The following LUZP2 variants were observed in gnomAD, a reference collection of about 807,000 sequenced individuals.
LUZP2 encodes leucine zipper protein 2.
In LUZP2, 52 loss-of-function variants were observed where a neutral mutation model predicts 51.6. That is an observed-to-expected ratio of 1.01 (90% CI 0.81 to 1.27). LUZP2 has a LOEUF of 1.27. Ranked by LOEUF, LUZP2 falls within the 50% of genes most tolerant of loss-of-function variation. The probability of loss-of-function intolerance (pLI) is 0.00; values close to 1 mark genes in which losing one functional copy is unlikely to be tolerated. For synonymous variants in LUZP2, 154 were observed against 137.3 expected (o/e 1.12, Z -0.85); for missense variants, 436 against 395.4 (o/e 1.10, Z -0.87).
chr11:25,030,941 TA>T (rs1248089822), intron 9 of LUZP2, among the ~76,000 whole-genome samples: 6 of 1,520 alleles, frequency 3.9e-3, no homozygotes, highest in African/African-American at 6.2e-3. Flanking sequence ...ATATATATTA[TA>T]TATATTATAT....
At chr11:24,991,368 GTATATATA>G (rs1170222494) in intron 9 of LUZP2, among the ~76,000 whole-genome samples, 1 of 124,450 alleles carries the variant, frequency 8.0e-6, no homozygotes, top group African/African-American at 2.9e-5. Flanking sequence ...ATATGTGTGT[GTATATATA>G]TGTGTGTGTG....
intron 5 of LUZP2, among the ~76,000 whole-genome samples, chr11:24,809,589 A>G (rs1849956851): frequency 6.6e-6 from 1 of 152,304 alleles, no homozygotes; most frequent in Non-Finnish European, 1.5e-5. Flanking sequence ...TAAGGTATTT[A>G]GGGAAGGAGT....
chr11:24,816,005 TTAAAA>T (rs761334739), intron 5 of LUZP2, among the ~76,000 whole-genome samples: 53 of 78,908 alleles, frequency 6.7e-4, no homozygotes, highest in Admixed American at 1.3e-3. Context: ...TCTTTTTTTT[TTAAAA>T]AAAAAAAAAA....
At chr11:24,647,343 A>C (rs1490483202) in intron 1 of LUZP2, among the ~76,000 whole-genome samples, 1 of 151,988 alleles carries the variant, frequency 6.6e-6, no homozygotes, top group Non-Finnish European at 1.5e-5. Flanking sequence ...AAAATTATCA[A>C]GACTGTGAAT....
At chr11:24,747,114 A>G (rs1308630724) in intron 4 of LUZP2, among the ~76,000 whole-genome samples, 1 of 152,098 alleles carries the variant, frequency 6.6e-6, no homozygotes, top group Admixed American at 6.6e-5. Context: ...TGGGGGTGTT[A>G]AAGAGCCTTG....
intron 10 of LUZP2, among the ~76,000 whole-genome samples, chr11:25,056,874 G>A (rs1858699789): frequency 6.6e-6 from 1 of 152,280 alleles, no homozygotes; most frequent in African/African-American, 2.4e-5. Context: ...CCCAAGGTGG[G>A]CAGATCACGA....
At chr11:24,839,023 T>TAACA (rs1192446605) in intron 5 of LUZP2, among the ~76,000 whole-genome samples, 1 of 151,628 alleles carries the variant, frequency 6.6e-6, no homozygotes, top group African/African-American at 2.4e-5. Flanking sequence ...TTTATTCTAA[T>TAACA]AACAGCCATA....
At chr11:25,006,524 G>C (rs186737106) in intron 9 of LUZP2, among the ~76,000 whole-genome samples, 2 of 152,150 alleles carry the variant, frequency 1.3e-5, no homozygotes, top group South Asian at 2.1e-4. Flanking sequence ...TTTGGGGGTT[G>C]TTAGCCCTTT....
intron 5 of LUZP2, chr11:24,892,333 A>G (rs554891595): frequency 1.1e-4 from 109 of 985,310 alleles, no homozygotes; most frequent in Non-Finnish European, 1.3e-4. Flanking sequence ...GCCTCGAAAG[A>G]CATTCAAATT....
intron 5 of LUZP2, among the ~76,000 whole-genome samples, chr11:24,876,054 G>A (rs1852250396): frequency 6.6e-6 from 1 of 152,020 alleles, no homozygotes; most frequent in Non-Finnish European, 1.5e-5. Flanking sequence ...TCTGTAGGTT[G>A]TCTGTTCACT....
intron 1 of LUZP2, among the ~76,000 whole-genome samples, chr11:24,561,622 C>T (rs868075257): frequency 1.2e-4 from 18 of 152,098 alleles, no homozygotes; most frequent in African/African-American, 3.9e-4. Context: ...AGTTGAACAA[C>T]GAGAATACAT....
chr11:24,538,230 A>G (rs1851242783), intron 1 of LUZP2, among the ~76,000 whole-genome samples: 1 of 151,918 alleles, frequency 6.6e-6, no homozygotes, highest in African/African-American at 2.4e-5. Flanking sequence ...GAGAAAATTA[A>G]AATAGTAATA....
chr11:24,871,995 T>C (rs1852092691), intron 5 of LUZP2, among the ~76,000 whole-genome samples: 1 of 152,026 alleles, frequency 6.6e-6, no homozygotes, highest in East Asian at 1.9e-4. Flanking sequence ...TCTGGTTGTA[T>C]GTGGTTATCT....
chr11:24,559,921 C>A (rs1851981206), intron 1 of LUZP2, among the ~76,000 whole-genome samples: 1 of 151,966 alleles, frequency 6.6e-6, no homozygotes, highest in African/African-American at 2.4e-5. Context: ...GAGGGTAGAC[C>A]CTTTAGGCTG....
chr11:24,985,963 T>A (rs1221770914), intron 9 of LUZP2, among the ~76,000 whole-genome samples: 1 of 151,748 alleles, frequency 6.6e-6, no homozygotes, highest in East Asian at 1.9e-4. Context: ...AGAAGTAACA[T>A]GAGTATGGTT....
intron 1 of LUZP2, among the ~76,000 whole-genome samples, chr11:24,525,734 A>G (rs557647469): frequency 2.0e-5 from 3 of 151,476 alleles, no homozygotes; most frequent in East Asian, 3.9e-4. Context: ...ACACAGATAT[A>G]CACACACACA....
intron 1 of LUZP2, among the ~76,000 whole-genome samples, chr11:24,573,786 A>G (rs1009180654): frequency 6.6e-6 from 1 of 152,044 alleles, no homozygotes; most frequent in Non-Finnish European, 1.5e-5. Flanking sequence ...AAACTTTAAA[A>G]AGCACACAGA....
chr11:24,920,690 A>C (rs1019248040), intron 7 of LUZP2, among the ~76,000 whole-genome samples: 5 of 150,446 alleles, frequency 3.3e-5, no homozygotes, highest in African/African-American at 9.9e-5. Context: ...CCAGACACAG[A>C]AATAAAAAAA....
intron 1 of LUZP2, among the ~76,000 whole-genome samples, chr11:24,660,739 GTA>G (rs777804927): frequency 2.0e-5 from 3 of 152,078 alleles, no homozygotes; most frequent in Non-Finnish European, 1.5e-5. Context: ...CTTTTAGTTA[GTA>G]TGTTTTTTTA....
Sources: allele counts gnomAD v4.1 joint callset (sites outside exome capture counted in the v4.1 genomes callset), GRCh38; gene constraint gnomAD v4.1.1; transcripts MANE v1.5; gene names NCBI Gene and HGNC (gene_info 2026-07-23, HGNC 2026-07-21).